CSNK1G1: variants seen among roughly 807,000 people sequenced by gnomAD.
CSNK1G1 encodes casein kinase I isoform gamma-1.
Under a neutral mutation model 59.6 loss-of-function variants are expected in CSNK1G1, and 22 were observed. That is an observed-to-expected ratio of 0.37 (90% CI 0.26 to 0.53). The LOEUF is 0.53. CSNK1G1 is among the 20% of genes least tolerant of loss of function. The pLI is 0.89. For missense variants in CSNK1G1, 384 were observed against 519.5 expected (o/e 0.74, Z 2.54); for synonymous variants, 179 against 177.1 (o/e 1.01, Z -0.08).
intron 2 of CSNK1G1, among the ~76,000 whole-genome samples, chr15:64,288,700 T>C (rs1006855016): frequency 1.3e-5 from 2 of 152,220 alleles, no homozygotes; most frequent in African/African-American, 4.8e-5. Context: ...CAGCTGGCAG[T>C]AAGCTCCACT....
intron 4 of CSNK1G1, among the ~76,000 whole-genome samples, chr15:64,223,026 T>C (rs955621341): frequency 6.6e-5 from 10 of 152,182 alleles, no homozygotes; most frequent in Admixed American, 6.5e-4. Flanking sequence ...AAAAGTTTCT[T>C]TGGGAGATGT....
At position 64,285,255 on chromosome 15, in the gene CSNK1G1, G is replaced by T. The variant is rs934464020; in HGVS notation, c.181+15064C>A. ...ATCATGAAAACCACATAGCAATGTA[G>T]TTAATAAAAAAGCCGAATCCCAAAG... On this transcript the variant is annotated intron_variant, in intron 2 of 11. Transcript: ENST00000303052. Among the ~76,000 whole-genome samples, 3 of 152,184 alleles carry T rather than the reference G, an allele frequency of 2.0e-5. No individual in the cohort carries two copies. In the East Asian group the frequency reaches 5.8e-4, roughly 29 times the overall value.
At chr15:64,275,671 A>G (rs1049815581) in intron 2 of CSNK1G1, among the ~76,000 whole-genome samples, 1 of 152,206 alleles carries the variant, frequency 6.6e-6, no homozygotes, top group Non-Finnish European at 1.5e-5. Context: ...TCTAAAGTGT[A>G]GAACATGATC....
chr15:64,173,570 G>A (rs1364211021), intron 11 of CSNK1G1, among the ~76,000 whole-genome samples: 5 of 150,486 alleles, frequency 3.3e-5, no homozygotes, highest in African/African-American at 9.7e-5. Flanking sequence ...CCCTGGATAA[G>A]AATTCAAGAA....
intron 2 of CSNK1G1, among the ~76,000 whole-genome samples, chr15:64,294,643 G>A (rs1240654827): frequency 6.6e-6 from 1 of 152,042 alleles, no homozygotes; most frequent in Non-Finnish European, 1.5e-5. Flanking sequence ...AGGAGTGGTG[G>A]CTCATACCTG....
chr15:64,211,155 G>T (rs1346469597), intron 6 of CSNK1G1, among the ~76,000 whole-genome samples: 4 of 152,182 alleles, frequency 2.6e-5, no homozygotes, highest in Non-Finnish European at 5.9e-5. Flanking sequence ...CTAAGTAAGT[G>T]TGGCTACTCT....
chr15:64,305,810 T>C (rs1596252072), intron 1 of CSNK1G1, among the ~76,000 whole-genome samples: 1 of 134,542 alleles, frequency 7.4e-6, no homozygotes, highest in South Asian at 2.3e-4. Flanking sequence ...TGGAACAGAA[T>C]GGAAAGCCCA....
chr15:64,223,644 T>C (rs543394845), intron 4 of CSNK1G1, among the ~76,000 whole-genome samples: 3 of 152,354 alleles, frequency 2.0e-5, no homozygotes, highest in African/African-American at 4.8e-5. Flanking sequence ...GGATTTCCAA[T>C]AGATTTCATT....
chr15:64,333,652 G>T (rs1282849691), intron 1 of CSNK1G1, among the ~76,000 whole-genome samples: 1 of 151,904 alleles, frequency 6.6e-6, no homozygotes, highest in Admixed American at 6.6e-5. Context: ...TTGGCAAAAT[G>T]GATAAAAAAT....
chr15:64,196,156 G>T (rs2082036450), intron 10 of CSNK1G1, among the ~76,000 whole-genome samples: 1 of 152,114 alleles, frequency 6.6e-6, no homozygotes, highest in African/African-American at 2.4e-5. Flanking sequence ...GGTCAAGGTT[G>T]CTGTGAGCTG....
chr15:64,278,136 C>G (rs990347017), intron 2 of CSNK1G1, among the ~76,000 whole-genome samples: 38 of 150,714 alleles, frequency 2.5e-4, no homozygotes, highest in African/African-American at 9.0e-4. Flanking sequence ...ACCTCTGCCC[C>G]GCCGGTTTCA....
At chr15:64,281,415 G>C (rs971968515) in intron 2 of CSNK1G1, among the ~76,000 whole-genome samples, 8 of 152,108 alleles carry the variant, frequency 5.3e-5, no homozygotes, top group African/African-American at 1.9e-4. Flanking sequence ...AGACCAGTCT[G>C]AGCAACATAG....
chr15:64,254,542 G>C, intron 3 of CSNK1G1, among the ~76,000 whole-genome samples: 1 of 151,892 alleles, frequency 6.6e-6, no homozygotes, highest in East Asian at 1.9e-4. Flanking sequence ...AGTAGAGATG[G>C]GGTTTCTGCA....
intron 4 of CSNK1G1, among the ~76,000 whole-genome samples, chr15:64,227,331 T>C (rs536470009): frequency 6.6e-6 from 1 of 152,352 alleles, no homozygotes; most frequent in South Asian, 2.1e-4. Flanking sequence ...TTGCAATATT[T>C]CTACATTGAC....
At chr15:64,193,491 C>A (rs201158607) in intron 10 of CSNK1G1, among the ~76,000 whole-genome samples, 317 of 131,816 alleles carry the variant, frequency 2.4e-3, no homozygotes, top group Middle Eastern at 3.7e-3. Flanking sequence ...GACTCTGTCT[C>A]AAAAAAAAAA....
intron 10 of CSNK1G1, among the ~76,000 whole-genome samples, chr15:64,186,519 TGTTTTA>T (rs2031306589): frequency 6.6e-6 from 1 of 152,216 alleles, no homozygotes; most frequent in South Asian, 2.1e-4. Context: ...TGTTTTGTTT[TGTTTTA>T]AAGAGACAGG....
intron 2 of CSNK1G1, among the ~76,000 whole-genome samples, chr15:64,282,904 T>G (rs1656240925): frequency 6.6e-6 from 1 of 152,228 alleles, no homozygotes; most frequent in Non-Finnish European, 1.5e-5. Flanking sequence ...GCTAACAATG[T>G]TGAGCATCAA....
intron 2 of CSNK1G1, among the ~76,000 whole-genome samples, chr15:64,285,915 A>G (rs1193213005): frequency 6.6e-6 from 1 of 152,024 alleles, no homozygotes; most frequent in Non-Finnish European, 1.5e-5. Flanking sequence ...CCTACACAAT[A>G]AAGTCCAAAA....
intron 4 of CSNK1G1, among the ~76,000 whole-genome samples, chr15:64,229,632 C>T (rs958426126): frequency 7.9e-5 from 12 of 151,762 alleles, no homozygotes; most frequent in African/African-American, 2.9e-4. Flanking sequence ...GAGAATGAAG[C>T]TAATGCAGAG....
Sources: allele counts gnomAD v4.1 joint callset (sites outside exome capture counted in the v4.1 genomes callset), GRCh38; gene constraint gnomAD v4.1.1; transcripts MANE v1.5; gene names NCBI Gene and HGNC (gene_info 2026-07-23, HGNC 2026-07-21).